The following PDIA6 variants were observed in gnomAD, a reference collection of about 807,000 sequenced individuals.
The protein encoded by PDIA6 is protein disulfide-isomerase A6.
Under a neutral mutation model 58.4 loss-of-function variants are expected in PDIA6, and 29 were observed. The ratio of observed to expected loss-of-function variants is 0.50; its 90% CI spans 0.37 to 0.68. PDIA6 has a LOEUF of 0.68. Ranked by LOEUF, PDIA6 falls within the 30% of genes least tolerant of loss-of-function variation. The probability of loss-of-function intolerance (pLI) is 0.00; values close to 1 mark genes in which losing one functional copy is unlikely to be tolerated. For synonymous variants in PDIA6, 192 were observed against 202.6 expected, an observed-to-expected ratio of 0.95 and a Z score of 0.44; for missense variants, 480 against 551.0, an observed-to-expected ratio of 0.87 and a Z score of 1.29.
Position 10,793,206 on chromosome 2 carries a change from C to CCGTCTCCTGT in PDIA6, c.347-5_347-4insACAGGAGACG. Reference sequence around the variant, plus strand: ...ATGGCTTCACCAGTTCTGCCACCTACAGGAGACGGAAGGTAGGCGGTCCTC... The same window carrying CCGTCTCCTGT: ...ATGGCTTCACCAGTTCTGCCACCTACCGTCTCCTGTAGGAGACGGAAGGTAGGCGGTCCTC... On this transcript the variant is annotated splice_region_variant and splice_polypyrimidine_tract_variant and intron_variant, in intron 4 of 12. Coordinates refer to ENST00000272227, the MANE Select transcript of PDIA6 (RefSeq NM_005742.4). The CCGTCTCCTGT allele has an allele frequency of 6.2e-7, 1 of 1,600,732 alleles. No homozygotes were observed. The highest frequency in any genetic ancestry group is 8.5e-7 in the Non-Finnish European group (1 of 1,171,942).
At chr2:10,818,518 ATTTATTTATTTATTTAT>A (rs1558460385) in intron 2 of PDIA6, among the ~76,000 whole-genome samples, 25 of 129,112 alleles carry the variant, frequency 1.9e-4, no homozygotes, top group African/African-American at 7.4e-4. Flanking sequence ...TTATTTATTT[ATTTATTTATTTATTTAT>A]TTTGAGATGG....
In PDIA6 at chr2:10,785,101, TTAAAAA is replaced by T. The variant is rs766780243; in HGVS notation, c.1158-77_1158-72del. 12 of 1,067,754 alleles carry T rather than the reference TTAAAAA, an allele frequency of 1.1e-5. No individual in the cohort carries two copies. In the Admixed American group the frequency reaches 1.6e-4, roughly 15 times the overall value. The allele number at this position is 1,067,754 out of a possible 1,614,324, so 66.1% of individuals were successfully genotyped here. A position where few individuals can be genotyped will look rare whatever the true frequency, so the allele number is the denominator to read the frequency against. On this transcript the variant is annotated intron_variant, in intron 11 of 12. Coordinates refer to ENST00000272227, the MANE Select transcript of PDIA6 (RefSeq NM_005742.4). ...TGCTGGTGCAGAAGAATAAACAACT[TTAAAAA>T]TAACAGTCTGCCTACTTTGTTTATG...
At chr2:10,805,819 C>A (rs1240871880) in intron 1 of PDIA6, among the ~76,000 whole-genome samples, 4 of 90,096 alleles carry the variant, frequency 4.4e-5, no homozygotes, top group Admixed American at 1.3e-4. Context: ...AACAAAAAAC[C>A]AAACACCGCA....
chr2:10,812,177 T>G (rs1253783349), intron 1 of PDIA6, among the ~76,000 whole-genome samples: 2 of 152,190 alleles, frequency 1.3e-5, no homozygotes, highest in Admixed American at 1.3e-4. Flanking sequence ...TCCAAAGTGC[T>G]GGGATTACAG....
upstream of PDIA6, among the ~76,000 whole-genome samples, chr2:10,814,696 G>C (rs1667139142): frequency 6.6e-6 from 1 of 152,188 alleles, no homozygotes. Flanking sequence ...TACCAGAAGA[G>C]GGCCCCTTCA....
chr2:10,812,891 C>G (rs1013329428), upstream of PDIA6: 4 of 1,131,426 alleles, frequency 3.5e-6, no homozygotes, highest in African/African-American at 1.6e-5. Context: ...ACATCGCTCA[C>G]TCACATATCC....
chr2:10,809,668 A>AAAAC (rs1666921065), intron 1 of PDIA6, among the ~76,000 whole-genome samples: 6 of 130,206 alleles, frequency 4.6e-5, no homozygotes, highest in South Asian at 2.6e-4. Flanking sequence ...AAAAAAAAAA[A>AAAAC]AAAACCCAAA....
rs377347224 is a variant in PDIA6 at position 10,822,151 on chromosome 2, C to T, written c.-47-2797G>A. 2.0e-5 allele frequency among the ~76,000 whole-genome samples: 3 copies of T among 151,816 alleles called. No homozygotes were observed. The East Asian group carries it at 5.8e-4, about 29-fold the overall frequency. ...ATGGGGTTTCACCATGTTGTCCAGG[C>T]TTGTCTTGAACTCTTGGGCTCAAGT... On this transcript the variant is annotated intron_variant, in intron 1 of 13. Transcript: ENST00000381611.
At chr2:10,827,194 C>T in intron 1 of PDIA6, among the ~76,000 whole-genome samples, 1 of 152,128 alleles carries the variant, frequency 6.6e-6, no homozygotes, top group East Asian at 1.9e-4. Context: ...TCCTGAGTAG[C>T]TGGGACTACA....
intron 1 of PDIA6, among the ~76,000 whole-genome samples, chr2:10,828,130 T>C (rs1667607080): frequency 6.6e-6 from 1 of 151,936 alleles, no homozygotes; most frequent in Admixed American, 6.6e-5. Flanking sequence ...GAGCCCACAG[T>C]TTACATTAGG....
rs148800384 is a variant in PDIA6 at position 10,784,949 on chromosome 2, G to A, written c.1239C>T (p.Asp413=). The A allele has an allele frequency of 2.7e-4, 422 of 1,586,428 alleles. 2 individuals are homozygous for A. Among genetic ancestry groups the A allele is most frequent in the South Asian group, 2.1e-3 (181 of 87,032 alleles). ...GGGCACTCACCTCGCCATCCCTGCC[G>A]TCCCAAGGCTCTCTCTCAACGATGG... The part of the protein sequence containing the change: ...FPTIVEREPW[D]GRDGELPVED... Residue 413 remains aspartate, a synonymous_variant, in exon 12 of 13, where the codon GAC becomes GAT. Transcript: ENST00000272227.
chr2:10,828,093 C>T (rs1002296145), intron 1 of PDIA6, among the ~76,000 whole-genome samples: 1 of 152,000 alleles, frequency 6.6e-6, no homozygotes, highest in African/African-American at 2.4e-5. Context: ...TTACAATGAA[C>T]CTACATTGAC....
intron 10 of PDIA6, among the ~76,000 whole-genome samples, chr2:10,788,067 A>AAAAAAAG (rs1355319623): frequency 6.7e-6 from 1 of 149,430 alleles, no homozygotes; most frequent in Non-Finnish European, 1.5e-5. Context: ...CTCTGTCTCA[A>AAAAAAAG]AAAAAAAAAA....
At chr2:10,800,563 G>A (rs986413245) in intron 2 of PDIA6, among the ~76,000 whole-genome samples, 2 of 118,002 alleles carry the variant, frequency 1.7e-5, no homozygotes, top group African/African-American at 5.3e-5. Flanking sequence ...TTATTTAAAC[G>A]TGAAGGTTTG....
At chr2:10,812,906 G>A (rs1667072363), upstream of PDIA6, 1 of 1,058,750 alleles carries the variant, frequency 9.4e-7, no homozygotes, top group African/African-American at 1.7e-5. Context: ...ATATCCAATG[G>A]GAGGCGGCCG....
chr2:10,829,927 G>A (rs982769299), intron 1 of PDIA6, among the ~76,000 whole-genome samples: 5 of 152,206 alleles, frequency 3.3e-5, no homozygotes, highest in Non-Finnish European at 5.9e-5. Flanking sequence ...TTCGCGAGGT[G>A]GCAGGGCTTG....
chr2:10,824,263 TA>T (rs1667486852), intron 1 of PDIA6, among the ~76,000 whole-genome samples: 1 of 151,922 alleles, frequency 6.6e-6, no homozygotes, highest in African/African-American at 2.4e-5. Flanking sequence ...TTCCATTGGC[TA>T]AAAAGAGCTG....
chr2:10,800,629 C>A (rs1230034138), intron 2 of PDIA6, among the ~76,000 whole-genome samples: 1 of 146,480 alleles, frequency 6.8e-6, no homozygotes, highest in Non-Finnish European at 1.5e-5. Context: ...TTGAGACAGG[C>A]TCTCACTGTT....
intron 2 of PDIA6, among the ~76,000 whole-genome samples, chr2:10,801,506 T>C (rs1347820623): frequency 1.3e-5 from 2 of 152,206 alleles, no homozygotes; most frequent in African/African-American, 4.8e-5. Context: ...ATACAACAGT[T>C]TGTACAATTA....
Sources: allele counts gnomAD v4.1 joint callset (sites outside exome capture counted in the v4.1 genomes callset), GRCh38; gene constraint gnomAD v4.1.1; transcripts MANE v1.5; gene names NCBI Gene and HGNC (gene_info 2026-07-23, HGNC 2026-07-21).